The following MAML2 variants were observed in gnomAD, a reference collection of about 807,000 sequenced individuals.
MAML2 encodes the protein mastermind like transcriptional coactivator 2.
MAML2 carries 22 observed loss-of-function variants against 96.1 expected under a neutral mutation model. That is an observed-to-expected ratio of 0.23 (90% CI 0.16 to 0.33). MAML2 has a LOEUF of 0.33. Among genes scored for constraint, MAML2 ranks in the 10% least tolerant of loss-of-function variants. MAML2 has a pLI of 1.00. For synonymous variants in MAML2, 561 were observed against 521.3 expected, an observed-to-expected ratio of 1.08 and a Z score of -1.04; for missense variants, 1,367 against 1,392.4, an observed-to-expected ratio of 0.98 and a Z score of 0.29.
intron 1 of MAML2, among the ~76,000 whole-genome samples, chr11:96,210,394 C>A (rs1231971182): frequency 6.6e-6 from 1 of 152,212 alleles, no homozygotes; most frequent in African/African-American, 2.4e-5. Flanking sequence ...CAGGCATGAG[C>A]CACTGTGCCC....
chr11:96,248,548 C>T (rs990799418), intron 1 of MAML2, among the ~76,000 whole-genome samples: 1 of 152,128 alleles, frequency 6.6e-6, no homozygotes, highest in Non-Finnish European at 1.5e-5. Context: ...TCTCCCTATG[C>T]ATTAGAACCC....
intron 2 of MAML2, among the ~76,000 whole-genome samples, chr11:96,019,685 T>TATAATA (rs966236547): frequency 4.5e-3 from 12 of 2,692 alleles, no homozygotes; most frequent in Admixed American, 0.029. Context: ...TAATAATAAT[T>TATAATA]ATAATAATAA....
At chr11:96,008,039 AT>A (rs34272183) in intron 2 of MAML2, among the ~76,000 whole-genome samples, 32,261 of 86,196 alleles carry the variant, frequency 0.37, 3,619 homozygotes, top group East Asian at 0.57. Context: ...AAAAAAAAAA[AT>A]TTTTCAGTGA....
chr11:96,248,636 T>G lies in MAML2; in HGVS notation c.513+92747A>C, dbSNP rs577080102. Among the ~76,000 whole-genome samples the G allele has an allele frequency of 5.3e-5, 8 of 152,242 alleles. No homozygotes were observed. The South Asian group carries it at 1.7e-3, about 32-fold the overall frequency. On this transcript the variant is annotated intron_variant, in intron 1 of 4. Transcript: ENST00000524717. ...CTTTTTCATTGATTTCCCCCTCTAA[T>G]TGGATCATTCTCATCTGCATACAAA...
At chr11:96,231,091 G>C (rs929932197) in intron 1 of MAML2, among the ~76,000 whole-genome samples, 1 of 152,194 alleles carries the variant, frequency 6.6e-6, no homozygotes, top group African/African-American at 2.4e-5. Flanking sequence ...GAATAATCTG[G>C]ATTGGTATCT....
intron 1 of MAML2, among the ~76,000 whole-genome samples, chr11:96,265,127 G>C (rs1020897608): frequency 2.6e-5 from 4 of 152,186 alleles, no homozygotes; most frequent in African/African-American, 9.7e-5. Context: ...GAATGTGGTA[G>C]AGACAGCTAG....
intron 2 of MAML2, among the ~76,000 whole-genome samples, chr11:96,030,453 A>G (rs1189107790): frequency 2.0e-5 from 3 of 152,162 alleles, no homozygotes; most frequent in Non-Finnish European, 4.4e-5. Flanking sequence ...AAATATAAGG[A>G]AAATTGTTAT....
chr11:96,266,835 T>A (rs1255677905), intron 1 of MAML2, among the ~76,000 whole-genome samples: 2 of 152,166 alleles, frequency 1.3e-5, no homozygotes, highest in Admixed American at 1.3e-4. Context: ...ATATCACACA[T>A]GGAAATGTGG....
At chr11:96,313,530 A>T (rs1863578454) in intron 1 of MAML2, among the ~76,000 whole-genome samples, 1 of 152,070 alleles carries the variant, frequency 6.6e-6, no homozygotes. Context: ...CAGCCTCCCC[A>T]AAATTGCCCC....
chr11:95,986,574 T>G (rs933814972), intron 3 of MAML2, among the ~76,000 whole-genome samples: 1 of 152,098 alleles, frequency 6.6e-6, no homozygotes, highest in Admixed American at 6.6e-5. Flanking sequence ...GGTACCGATA[T>G]AGGCACTATA....
chr11:96,187,085 G>T (rs1861587269), intron 1 of MAML2, among the ~76,000 whole-genome samples: 1 of 152,122 alleles, frequency 6.6e-6, no homozygotes. Context: ...AACCTTATTT[G>T]AAATTCCCAG....
chr11:96,025,451 C>T (rs1858501997), intron 2 of MAML2, among the ~76,000 whole-genome samples: 1 of 152,170 alleles, frequency 6.6e-6, no homozygotes, highest in African/African-American at 2.4e-5. Flanking sequence ...ATACCATGCT[C>T]ACTACTCGAG....
At chr11:96,317,386 G>A (rs888379257) in intron 1 of MAML2, among the ~76,000 whole-genome samples, 5 of 152,138 alleles carry the variant, frequency 3.3e-5, no homozygotes, top group Non-Finnish European at 5.9e-5. Flanking sequence ...AGACTTGAGA[G>A]TTTCCTAAAA....
chr11:96,138,295 C>G (rs1436539428), intron 1 of MAML2, among the ~76,000 whole-genome samples: 5 of 152,168 alleles, frequency 3.3e-5, no homozygotes, highest in African/African-American at 4.8e-5. Flanking sequence ...TCTCCCTCTT[C>G]AAGTACTGAT....
rs56231526 is a variant in MAML2 at position 96,295,937 on chromosome 11, AACACACACACAC to A, written c.513+45434_513+45445del. ...AAATCCATTTCACATCAGAACAGTAAACACACACACACACACACACACACACACACACACACA... is the reference window on the plus strand; with the variant it reads ...AAATCCATTTCACATCAGAACAGTAAACACACACACACACACACACACACA... On this transcript the variant is annotated intron_variant, in intron 1 of 4. Coordinates refer to ENST00000524717, the MANE Select transcript of MAML2 (RefSeq NM_032427.4). 3.0e-3 allele frequency among the ~76,000 whole-genome samples: 410 copies of A among 137,878 alleles called. 4 individuals are homozygous for A. The highest frequency in any genetic ancestry group is 0.012 in the South Asian group (47 of 4,010). The allele number at this position is 137,878 out of a possible 152,430, so 90.5% of individuals were successfully genotyped here. A position where few individuals can be genotyped will look rare whatever the true frequency, so the allele number is the denominator to read the frequency against.
At chr11:96,037,138 A>T (rs1858727430) in intron 2 of MAML2, among the ~76,000 whole-genome samples, 1 of 151,684 alleles carries the variant, frequency 6.6e-6, no homozygotes, top group Non-Finnish European at 1.5e-5. Context: ...CACAAGCAAA[A>T]CTTTGGCTTG....
chr11:96,207,578 CTGTGAGATAGTG>C (rs1861912337), intron 1 of MAML2, among the ~76,000 whole-genome samples: 1 of 152,216 alleles, frequency 6.6e-6, no homozygotes, highest in African/African-American at 2.4e-5. Flanking sequence ...GCTGCTCTGC[CTGTGAGATAGTG>C]TGGTTGCCTC....
chr11:96,039,747 C>T (rs1278210300), intron 2 of MAML2, among the ~76,000 whole-genome samples: 4 of 152,002 alleles, frequency 2.6e-5, no homozygotes, highest in African/African-American at 4.8e-5. Flanking sequence ...GAGATCGAGA[C>T]CATCCTGGCT....
Position 95,979,167 on chromosome 11 carries a change from G to A in MAML2, c.3252C>T (p.Pro1084=), listed in dbSNP as rs751346914. The part of the protein sequence containing the change: ...TGINQPPSLT[P]SNFPSPNQSS... Reference sequence around the variant, plus strand: ...TTTGGTTGGGTGAAGGAAAATTGCTGGGCGTCAGGGATGGTGGCTGGTTGA... The same window carrying A: ...TTTGGTTGGGTGAAGGAAAATTGCTAGGCGTCAGGGATGGTGGCTGGTTGA... The change falls in exon 5 of 5, where the codon CCC becomes CCT. Residue 1084 remains proline (P), a synonymous_variant. Coordinates refer to ENST00000524717, the MANE Select transcript of MAML2 (RefSeq NM_032427.4). 1.1e-5 allele frequency: 17 copies of A among 1,613,878 alleles called. No individual in the cohort carries two copies. In the East Asian group the frequency reaches 3.1e-4, roughly 30 times the overall value.
Sources: gnomAD v4.1 joint callset for allele counts (sites outside exome capture counted in the v4.1 genomes callset) on GRCh38, gnomAD v4.1.1 for gene constraint, MANE v1.5 for transcripts, NCBI Gene and HGNC (gene_info 2026-07-23, HGNC 2026-07-21) for gene names.